The following SREK1IP1 variants were observed in gnomAD, a reference collection of about 807,000 sequenced individuals.
SREK1IP1 encodes the protein SREK1 interacting protein 1, also known as protein SREK1IP1.
In SREK1IP1, 12 loss-of-function variants were observed where a neutral mutation model predicts 22.8. The observed-to-expected ratio is 0.53, with a 90% CI of 0.34 to 0.85. The LOEUF (loss-of-function observed/expected upper bound fraction) is 0.85, where lower values mean the gene tolerates loss of function less well. Among genes scored for constraint, SREK1IP1 ranks in the 40% least tolerant of loss-of-function variants. SREK1IP1 has a pLI of 0.02. For synonymous variants in SREK1IP1, 53 were observed against 52.7 expected (o/e 1.01, Z -0.02); for missense variants, 147 against 171.8 (o/e 0.86, Z 0.81).
chr5:64,753,699 T>A (rs1742787409), intron 2 of SREK1IP1, among the ~76,000 whole-genome samples: 1 of 152,202 alleles, frequency 6.6e-6, no homozygotes, highest in South Asian at 2.1e-4. Context: ...TGCAAACAAC[T>A]TAGAAAATAG....
chr5:64,726,235 C>T, intron 4 of SREK1IP1, among the ~76,000 whole-genome samples: 1 of 152,022 alleles, frequency 6.6e-6, no homozygotes, highest in East Asian at 1.9e-4. Context: ...GGGGCACTAT[C>T]TCTGCTAAGT....
At chr5:64,762,984 G>A (rs749729614) in intron 1 of SREK1IP1, among the ~76,000 whole-genome samples, 28 of 152,018 alleles carry the variant, frequency 1.8e-4, no homozygotes, top group Non-Finnish European at 2.8e-4. Flanking sequence ...CCCAGGAGGC[G>A]GAGGTTGCAG....
intron 4 of SREK1IP1, among the ~76,000 whole-genome samples, chr5:64,727,266 A>C (rs1272182405): frequency 2.0e-5 from 3 of 147,312 alleles, no homozygotes; most frequent in Non-Finnish European, 2.9e-5. Context: ...TGTATGTGCA[A>C]ATTTATGCTA....
chr5:64,740,621 A>G lies in SREK1IP1; in HGVS notation c.205+436T>C, dbSNP rs145931009. 2.3e-3 allele frequency among the ~76,000 whole-genome samples: 345 copies of G among 152,282 alleles called. 3 individuals are homozygous for G. The highest frequency in any genetic ancestry group is 7.9e-3 in the African/African-American group (328 of 41,566). The stretch of plus-strand genomic sequence containing the variant: ...CTTGAAATTATTAGTGAAGCTTGAT[A>G]CTGGCTAAGATCACTGATCTGCATG... On this transcript the variant is annotated intron_variant, in intron 3 of 4. Transcript: ENST00000513458.
chr5:64,766,148 C>G (rs1270133954), intron 1 of SREK1IP1, among the ~76,000 whole-genome samples: 1 of 152,216 alleles, frequency 6.6e-6, no homozygotes. Context: ...GTGTGGGTAA[C>G]ACCCAAATCA....
intron 1 of SREK1IP1, among the ~76,000 whole-genome samples, chr5:64,765,796 T>G (rs1426206842): frequency 1.3e-5 from 2 of 152,226 alleles, no homozygotes; most frequent in Admixed American, 1.3e-4. Flanking sequence ...TTGTCCCCTT[T>G]CTTAAGTAGC....
chr5:64,726,318 A>G (rs904895563), intron 4 of SREK1IP1, among the ~76,000 whole-genome samples: 2 of 149,068 alleles, frequency 1.3e-5, no homozygotes, highest in African/African-American at 5.2e-5. Flanking sequence ...ATAATCTGTT[A>G]CTATAAAAAA....
chr5:64,763,460 C>G (rs1338534363), intron 1 of SREK1IP1, among the ~76,000 whole-genome samples: 1 of 152,140 alleles, frequency 6.6e-6, no homozygotes, highest in African/African-American at 2.4e-5. Context: ...TCACTTGAAC[C>G]CGGGAGGCGG....
intron 4 of SREK1IP1, among the ~76,000 whole-genome samples, chr5:64,726,908 C>A (rs542385941): frequency 6.6e-6 from 1 of 152,144 alleles, no homozygotes; most frequent in East Asian, 1.9e-4. Flanking sequence ...TCATATCAAA[C>A]CACATAAATT....
Position 64,724,407 on chromosome 5 carries a change from T to C in SREK1IP1, c.445A>G (p.Ser149Gly), listed in dbSNP as rs767810474. Residue 149 changes from serine to glycine, a missense_variant, in exon 5 of 5, where the codon AGT becomes GGT. Coordinates refer to ENST00000513458, the MANE Select transcript of SREK1IP1 (RefSeq NM_173829.4). Reference sequence around the variant, plus strand: ...AGTTACTTTCTGGAGAATTCAGAACTATTAGGTGTAGAAGAATGCTTTTCC... The same window carrying C: ...AGTTACTTTCTGGAGAATTCAGAACCATTAGGTGTAGAAGAATGCTTTTCC... The part of the protein sequence containing the change: ...KKEKHSSTPN[S>G]SEFSRK The C allele has an allele frequency of 6.4e-7, 1 of 1,567,542 alleles. No homozygotes were observed. Among genetic ancestry groups the C allele is most frequent in the South Asian group, 1.2e-5 (1 of 81,254 alleles).
At position 64,768,508 on chromosome 5, in the gene SREK1IP1, G is replaced by C; in HGVS notation, c.10C>G (p.Pro4Ala). 1 of 1,614,148 alleles carries C rather than the reference G, an allele frequency of 6.2e-7. No homozygotes were observed. The highest frequency in any genetic ancestry group is 8.5e-7 in the Non-Finnish European group (1 of 1,180,026). The change falls in exon 1 of 5, where the codon CCA becomes GCA. Residue 4 changes from proline (P) to alanine (A), a missense_variant. Physicochemically the swap from Pro to Ala is conservative, Grantham distance 27. This residue lies in a region of SREK1IP1 where 62 missense variants were observed against 73.3 expected (regional missense o/e 0.85). Coordinates refer to ENST00000513458, the MANE Select transcript of SREK1IP1 (RefSeq NM_173829.4). ...AGGCCCTGTAATTGCTCCTTACCTG[G>C]GACTGCCATGACGGTGGTAAGAGGG... is the stretch of plus-strand genomic sequence containing the variant. MAV[P>A]GCNKDSVRAG...
intron 3 of SREK1IP1, among the ~76,000 whole-genome samples, chr5:64,734,675 A>G (rs1742429801): frequency 7.0e-6 from 1 of 143,538 alleles, no homozygotes; most frequent in African/African-American, 2.8e-5. Flanking sequence ...TCTTTATGCT[A>G]CCATAAAAGA....
intron 3 of SREK1IP1, among the ~76,000 whole-genome samples, chr5:64,730,202 C>T (rs1401732119): frequency 2.0e-5 from 3 of 151,920 alleles, no homozygotes. Flanking sequence ...AGAGGGGCTA[C>T]CTATCAAATA....
chr5:64,754,231 A>G, intron 2 of SREK1IP1, 84 bp downstream of exon 2: 1 of 1,333,154 alleles, frequency 7.5e-7, no homozygotes, highest in South Asian at 1.2e-5. Context: ...GGCCCCTGAA[A>G]TCAGGGTGCT....
At chr5:64,751,007 T>C (rs1742730521) in intron 2 of SREK1IP1, among the ~76,000 whole-genome samples, 1 of 152,310 alleles carries the variant, frequency 6.6e-6, no homozygotes, top group East Asian at 1.9e-4. Context: ...GGAGACTACA[T>C]TGGCTTTCTC....
rs1742169917 is a variant in SREK1IP1 at position 64,721,908 on chromosome 5, T to G, written c.*2476A>C. On this transcript the variant is annotated 3_prime_UTR_variant, in exon 5 of 5. Coordinates refer to ENST00000513458, the MANE Select transcript of SREK1IP1 (RefSeq NM_173829.4). ...TGATTTCAGAGATAATCTGGTACAA[T>G]ATTTTATAGACGAAAGACACCAAGG... 1 of 152,166 alleles carries G rather than the reference T, an allele frequency of 6.6e-6. No homozygotes were observed. Among genetic ancestry groups the G allele is most frequent in the African/African-American group, 2.4e-5 (1 of 41,452 alleles). The allele number at this position is 152,166 out of a possible 1,614,324, so 9.4% of individuals were successfully genotyped here.
intron 1 of SREK1IP1, among the ~76,000 whole-genome samples, chr5:64,762,871 G>A (rs905213696): frequency 6.6e-6 from 1 of 152,004 alleles, no homozygotes; most frequent in Non-Finnish European, 1.5e-5. Flanking sequence ...GGGCAATATG[G>A]TGAAACTCCA....
chr5:64,747,504 AT>A (rs140337878), intron 2 of SREK1IP1, among the ~76,000 whole-genome samples: 9,575 of 152,194 alleles, frequency 0.063, 972 homozygotes, highest in African/African-American at 0.22. Context: ...CCAAATATAC[AT>A]TTCTTATGAT....
chr5:64,731,783 T>C (rs1201779061), intron 3 of SREK1IP1, among the ~76,000 whole-genome samples: 1 of 152,080 alleles, frequency 6.6e-6, no homozygotes, highest in African/African-American at 2.4e-5. Context: ...AGACCAAAGA[T>C]AAAATGTATT....
Sources: allele counts gnomAD v4.1 joint callset (sites outside exome capture counted in the v4.1 genomes callset), GRCh38; gene constraint gnomAD v4.1.1; regional missense constraint gnomAD v4.1.1; transcripts MANE v1.5; gene names NCBI Gene and HGNC (gene_info 2026-07-23, HGNC 2026-07-21).